Variants in PKNOX2 observed in about 807,000 individuals in gnomAD.
PKNOX2 encodes the protein homeobox protein PKNOX2.
Under a neutral mutation model 53.1 loss-of-function variants are expected in PKNOX2, and 14 were observed. The ratio of observed to expected loss-of-function variants is 0.26; its 90% CI spans 0.17 to 0.41. The LOEUF is 0.41. Among genes scored for constraint, PKNOX2 ranks in the 10% least tolerant of loss-of-function variants. The pLI, the probability that PKNOX2 is intolerant of heterozygous loss-of-function variation, is 1.00. For synonymous variants in PKNOX2, 257 were observed against 242.8 expected, an observed-to-expected ratio of 1.06 and a Z score of -0.54; for missense variants, 496 against 602.8, an observed-to-expected ratio of 0.82 and a Z score of 1.85.
At chr11:125,416,042 G>A (rs968406799) in intron 10 of PKNOX2, among the ~76,000 whole-genome samples, 11 of 152,098 alleles carry the variant, frequency 7.2e-5, no homozygotes, top group East Asian at 5.8e-4. Context: ...GGTGGCTCAC[G>A]CCTGTAATCC....
intron 1 of PKNOX2, among the ~76,000 whole-genome samples, chr11:125,177,811 G>A (rs1454083175): frequency 6.6e-6 from 1 of 152,136 alleles, no homozygotes; most frequent in African/African-American, 2.4e-5. Context: ...GAGCTGGCTG[G>A]GACAGCAATG....
intron 2 of PKNOX2, among the ~76,000 whole-genome samples, chr11:125,251,698 C>A (rs1192480643): frequency 6.6e-6 from 1 of 151,422 alleles, no homozygotes; most frequent in Admixed American, 6.6e-5. Flanking sequence ...CCAACCCAAC[C>A]TCTCTTCCTC....
intron 2 of PKNOX2, among the ~76,000 whole-genome samples, chr11:125,289,143 C>G (rs951672047): frequency 6.6e-6 from 1 of 152,178 alleles, no homozygotes; most frequent in Non-Finnish European, 1.5e-5. Context: ...AAATCCTCAG[C>G]CTTCAAGCGG....
intron 2 of PKNOX2, among the ~76,000 whole-genome samples, chr11:125,282,697 G>A (rs1022990430): frequency 6.6e-6 from 1 of 152,198 alleles, no homozygotes; most frequent in Non-Finnish European, 1.5e-5. Flanking sequence ...GCTTCCAAGT[G>A]GGTGTAGAGG....
intron 1 of PKNOX2, among the ~76,000 whole-genome samples, chr11:125,228,587 T>C (rs1259945935): frequency 6.6e-6 from 1 of 152,172 alleles, no homozygotes; most frequent in Non-Finnish European, 1.5e-5. Flanking sequence ...TAATGAGCCT[T>C]GCACTGAATG....
intron 1 of PKNOX2, among the ~76,000 whole-genome samples, chr11:125,228,924 C>T (rs553559789): frequency 6.6e-6 from 1 of 152,196 alleles, no homozygotes; most frequent in East Asian, 1.9e-4. Context: ...GGGGGTGCAA[C>T]CGCTACAGAT....
chr11:125,301,704 G>T (rs747177922), intron 2 of PKNOX2, among the ~76,000 whole-genome samples: 4 of 152,058 alleles, frequency 2.6e-5, no homozygotes, highest in Non-Finnish European at 4.4e-5. Context: ...AAATAAAAAA[G>T]AACAGTTTGG....
intron 6 of PKNOX2, among the ~76,000 whole-genome samples, chr11:125,390,179 C>G (rs140590046): frequency 3.5e-4 from 53 of 152,314 alleles, no homozygotes; most frequent in African/African-American, 1.2e-3. Context: ...TGCCGGGTAC[C>G]GTTCCAACTG....
At position 125,351,388 on chromosome 11, in the gene PKNOX2, C is replaced by T. The variant is rs1295124602; in HGVS notation, c.83C>T (p.Pro28Leu). ...CCGCCCCCACCCTACCAGGACAGCC[C>T]ACAGGTGAGTGCGCAGGGGCCGCTG... Reference protein sequence around the residue: ...NVPPPPYQDSPQMTATAQPPS... With the variant: ...NVPPPPYQDSLQMTATAQPPS... Residue 28 changes from proline (P) to leucine (L), a missense_variant, in exon 4 of 13, where the codon CCA (proline) becomes CTA (leucine). Coordinates refer to ENST00000298282, the MANE Select transcript of PKNOX2 (RefSeq NM_001382323.2). The T allele has an allele frequency of 2.5e-6, 4 of 1,599,984 alleles. No homozygotes were observed. Among genetic ancestry groups the T allele is most frequent in the Non-Finnish European group, 3.4e-6 (4 of 1,169,118 alleles).
chr11:125,218,617 T>A (rs1249247289), intron 1 of PKNOX2, among the ~76,000 whole-genome samples: 2 of 151,962 alleles, frequency 1.3e-5, no homozygotes, highest in Non-Finnish European at 2.9e-5. Context: ...TTGCAGGAGA[T>A]GGGGAGCTAG....
intron 2 of PKNOX2, among the ~76,000 whole-genome samples, chr11:125,235,976 G>A (rs1203303567): frequency 3.3e-5 from 5 of 152,210 alleles, no homozygotes; most frequent in East Asian, 1.9e-4. Context: ...GTTTCCCCAC[G>A]CTGCTTATGG....
chr11:125,238,127 G>T (rs1942872952), intron 2 of PKNOX2, among the ~76,000 whole-genome samples: 2 of 152,126 alleles, frequency 1.3e-5, no homozygotes, highest in Admixed American at 6.5e-5. Context: ...CCTGGAAGAG[G>T]ATCTGAATGT....
chr11:125,403,158 A>G (rs1243094672), intron 7 of PKNOX2, among the ~76,000 whole-genome samples: 1 of 152,212 alleles, frequency 6.6e-6, no homozygotes, highest in Non-Finnish European at 1.5e-5. Flanking sequence ...TCCTGCATCC[A>G]TTCAGGCACC....
chr11:125,372,493 A>G (rs1212651053), intron 5 of PKNOX2, among the ~76,000 whole-genome samples: 1 of 152,330 alleles, frequency 6.6e-6, no homozygotes, highest in Non-Finnish European at 1.5e-5. Flanking sequence ...TGGGTTCTAA[A>G]TTTGAAATGT....
rs12797054 is a variant in PKNOX2, at chr11:125,222,605, C to G, written c.-200-12440C>G. On this transcript the variant is annotated intron_variant, in intron 1 of 12. Coordinates refer to ENST00000298282, the MANE Select transcript of PKNOX2 (RefSeq NM_001382323.2). ...GCTCCTGGTGTGTGTGTGTGTGTGT[C>G]TGTGTGTATGTGTGTGTATGTGTGT... 8.8e-4 allele frequency among the ~76,000 whole-genome samples: 124 copies of G among 140,754 alleles called. 1 individual carries two copies. The highest frequency in any genetic ancestry group is 3.1e-3 in the African/African-American group (121 of 38,818). 92.3% of individuals were successfully genotyped at this position (140,754 alleles called of 152,430 possible).
chr11:125,267,395 C>T (rs1312739969), intron 2 of PKNOX2, among the ~76,000 whole-genome samples: 1 of 152,238 alleles, frequency 6.6e-6, no homozygotes, highest in Non-Finnish European at 1.5e-5. Flanking sequence ...GCCTCTCCTC[C>T]TGAGCTCATT....
chr11:125,370,452 T>C lies in PKNOX2; in HGVS notation c.227+2467T>C, dbSNP rs1271034953. Among the ~76,000 whole-genome samples, 1 of 152,118 alleles carries C rather than the reference T, an allele frequency of 6.6e-6. No individual in the cohort carries two copies. Among genetic ancestry groups the C allele is most frequent in the Non-Finnish European group, 1.5e-5 (1 of 68,008 alleles). On this transcript the variant is annotated intron_variant, in intron 5 of 12. Coordinates refer to ENST00000298282, the MANE Select transcript of PKNOX2 (RefSeq NM_001382323.2). The surrounding 1 kb of genome is among the most constrained non-coding windows in gnomAD (Gnocchi z 4.1). ...TTCTGCAATTAACACTTCTTCCTAC[T>C]CCCCTTCCCTCCTGGGCTTTATCTT...
rs753055662 is a variant in PKNOX2 at position 125,430,116 on chromosome 11, C to T, written c.1167C>T (p.Gly389=). 8.7e-5 allele frequency: 141 copies of T among 1,613,932 alleles called. No individual in the cohort carries two copies. The highest frequency in any genetic ancestry group is 1.6e-4 in the Middle Eastern group (1 of 6,080). The change falls in exon 12 of 13, where the codon GGC becomes GGT. Residue 389 remains glycine (G), a synonymous_variant. Coordinates refer to ENST00000298282, the MANE Select transcript of PKNOX2 (RefSeq NM_001382323.2). The part of the protein sequence containing the change: ...SIAAGVLQQQ[G]GAPGTNPDGS... ...CTGCGGGGGTGCTGCAGCAGCAGGG[C>T]GGTGCCCCAGGGACAAACCCCGATG... is the stretch of plus-strand genomic sequence containing the variant.
chr11:125,311,730 CA>C (rs1164523542), intron 2 of PKNOX2, among the ~76,000 whole-genome samples: 8 of 152,170 alleles, frequency 5.3e-5, no homozygotes, highest in African/African-American at 1.9e-4. Context: ...ACACTCATGT[CA>C]AGTTTTCTGT....
Sources: gnomAD v4.1 joint callset for allele counts (sites outside exome capture counted in the v4.1 genomes callset) on GRCh38, gnomAD v4.1.1 for gene constraint, Gnocchi (gnomAD v3.1) non-coding constraint, MANE v1.5 for transcripts, NCBI Gene and HGNC (gene_info 2026-07-23, HGNC 2026-07-21) for gene names.